ZMPSTE24: variants seen among roughly 807,000 people sequenced by gnomAD.
ZMPSTE24 encodes the protein CAAX prenyl protease 1 homolog.
Under a neutral mutation model 56.7 loss-of-function variants are expected in ZMPSTE24, and 48 were observed. That is an observed-to-expected ratio of 0.85 (90% CI 0.67 to 1.08). The LOEUF is 1.08. ZMPSTE24 is among the 50% of genes least tolerant of loss of function. The probability of loss-of-function intolerance (pLI) is 0.00; values close to 1 mark genes in which losing one functional copy is unlikely to be tolerated. For synonymous variants in ZMPSTE24, 172 were observed against 195.2 expected (o/e 0.88, Z 0.99); for missense variants, 503 against 548.7 (o/e 0.92, Z 0.83).
At chr1:40,276,266 G>A (rs1643670772) in intron 6 of ZMPSTE24, among the ~76,000 whole-genome samples, 1 of 152,182 alleles carries the variant, frequency 6.6e-6, no homozygotes, top group African/African-American at 2.4e-5. Context: ...TTAGGGCGAG[G>A]TCAGCGCTAA....
intron 6 of ZMPSTE24, among the ~76,000 whole-genome samples, chr1:40,277,230 C>T (rs1569642930): frequency 6.6e-6 from 1 of 151,876 alleles, no homozygotes; most frequent in South Asian, 2.1e-4. Context: ...GGACTACAGG[C>T]GCCCGCCAGC....
intron 7 of ZMPSTE24, 72 bp from the exon 8 acceptor site, chr1:40,285,853 G>T: frequency 8.6e-7 from 1 of 1,161,238 alleles, no homozygotes; most frequent in Non-Finnish European, 1.3e-6. Context: ...TCTATGAAGG[G>T]CTATTACTGG....
intron 4 of ZMPSTE24, 129 bp from the exon 5 acceptor site, chr1:40,269,846 T>C (rs1643595991): frequency 6.6e-6 from 7 of 1,061,088 alleles, no homozygotes; most frequent in South Asian, 3.2e-5. Context: ...TAATGTCATA[T>C]AATATAGTTT....
chr1:40,258,353 T>C lies in ZMPSTE24; in HGVS notation c.82T>C (p.Trp28Arg). 1 of 1,614,218 alleles carries C rather than the reference T, an allele frequency of 6.2e-7. No individual in the cohort carries two copies. Residue 28 changes from tryptophan (W) to arginine (R), a missense_variant, in exon 1 of 10, where the codon TGG (tryptophan) becomes CGG (arginine). Coordinates refer to ENST00000372759, the MANE Select transcript of ZMPSTE24 (RefSeq NM_005857.5). ...CTTCGGGGCCGTGCTGCTCTTTTCC[T>C]GGACAGTGTATCTTTGGGAGACCTT... ...RIFGAVLLFS[W>R]TVYLWETFLA...
chr1:40,269,073 C>CAAAAAAAAAAAAAA (rs60201234), intron 4 of ZMPSTE24, among the ~76,000 whole-genome samples: 2 of 46,224 alleles, frequency 4.3e-5, no homozygotes, highest in Non-Finnish European at 1.2e-4. Flanking sequence ...GACTCCGTCT[C>CAAAAAAAAAAAAAA]AAAAAAAAAA....
At chr1:40,285,493 G>T in intron 7 of ZMPSTE24, among the ~76,000 whole-genome samples, 1 of 152,264 alleles carries the variant, frequency 6.6e-6, no homozygotes, top group South Asian at 2.1e-4. Flanking sequence ...GTCTGCCTCG[G>T]TTTCCCAAAG....
chr1:40,259,443 AGT>A (rs1266162985), intron 1 of ZMPSTE24: 1 of 152,116 alleles, frequency 6.6e-6, no homozygotes, highest in Non-Finnish European at 1.5e-5. Context: ...CAAGGGGAAG[AGT>A]GTGTCTGTGA....
chr1:40,268,943 G>T (rs1643584149), intron 4 of ZMPSTE24, among the ~76,000 whole-genome samples: 1 of 151,850 alleles, frequency 6.6e-6, no homozygotes, highest in African/African-American at 2.4e-5. Context: ...GGGCTTGGTG[G>T]TGGGCGCCTG....
chr1:40,262,089 A>AT (rs1010970899), intron 2 of ZMPSTE24, among the ~76,000 whole-genome samples: 2 of 152,234 alleles, frequency 1.3e-5, no homozygotes, highest in African/African-American at 2.4e-5. Context: ...TAAGAGAAAG[A>AT]TTCCTAAATT....
chr1:40,278,557 C>CAGAAAAAAAA (rs1643694865), intron 6 of ZMPSTE24, among the ~76,000 whole-genome samples: 1 of 19,542 alleles, frequency 5.1e-5, no homozygotes, highest in Non-Finnish European at 9.5e-5. Flanking sequence ...GACTCCGTCT[C>CAGAAAAAAAA]AAAAAAAAAA....
rs1287735297 is a variant in ZMPSTE24, at chr1:40,264,634, G to A, written c.271-3152G>A. Among the ~76,000 whole-genome samples, 6 of 151,960 alleles carry A rather than the reference G, an allele frequency of 3.9e-5. No individual in the cohort carries two copies. In the East Asian group the frequency reaches 7.7e-4, roughly 20 times the overall value. On this transcript the variant is annotated intron_variant, in intron 2 of 9. Transcript: ENST00000372759. ...CTCAATCCTGTAATCATAGCACTTC[G>A]AGAGGCTCAGGTGGGAGGATCACTT... is the stretch of plus-strand genomic sequence containing the variant.
intron 1 of ZMPSTE24, 98 bp downstream of exon 1, chr1:40,258,492 G>C: frequency 1.3e-6 from 2 of 1,592,830 alleles, no homozygotes; most frequent in Non-Finnish European, 1.7e-6. Flanking sequence ...CGGTCCCCGC[G>C]CCAGTCTCGT....
chr1:40,268,413 G>A lies in ZMPSTE24; in HGVS notation c.358-6G>A. On this transcript the variant is annotated splice_region_variant and splice_polypyrimidine_tract_variant and intron_variant, in intron 3 of 9. Coordinates refer to ENST00000372759, the MANE Select transcript of ZMPSTE24 (RefSeq NM_005857.5). ...AAACTGGATTTTTGTTTTTTCTTTT[G>A]TTTAGATCACTCAGTCCCTGGTGTT... 4.4e-6 allele frequency: 7 copies of A among 1,605,526 alleles called. No individual in the cohort carries two copies. The highest frequency in any genetic ancestry group is 6.0e-6 in the Non-Finnish European group (7 of 1,175,240).
intron 8 of ZMPSTE24, 62 bp downstream of exon 8, chr1:40,286,091 C>A: frequency 7.0e-7 from 1 of 1,421,594 alleles, no homozygotes; most frequent in Non-Finnish European, 9.8e-7. Context: ...CTATGGCAGG[C>A]ATGAGAGGTC....
intron 8 of ZMPSTE24, among the ~76,000 whole-genome samples, chr1:40,288,962 C>T (rs1643812257): frequency 2.0e-5 from 3 of 152,074 alleles, no homozygotes; most frequent in African/African-American, 7.2e-5. Context: ...ATTCCCTTCA[C>T]CACTGCCTTC....
intron 2 of ZMPSTE24, among the ~76,000 whole-genome samples, chr1:40,267,505 C>T (rs941121560): frequency 7.9e-5 from 12 of 151,566 alleles, no homozygotes; most frequent in African/African-American, 2.4e-4. Context: ...GCTGGGTCTA[C>T]AGGTACGCAC....
At chr1:40,291,495 C>T (rs1180399716) in intron 9 of ZMPSTE24, among the ~76,000 whole-genome samples, 1 of 152,136 alleles carries the variant, frequency 6.6e-6, no homozygotes, top group Non-Finnish European at 1.5e-5. Context: ...AAGAACATTG[C>T]TCTGTGTTAG....
At chr1:40,271,811 T>TTTAATATACAGA in intron 5 of ZMPSTE24, 83 bp from the exon 6 acceptor site, 1 of 1,481,210 alleles carries the variant, frequency 6.8e-7, no homozygotes, top group Non-Finnish European at 9.2e-7. Flanking sequence ...ACATAGTTGT[T>TTTAATATACAGA]TTAATATAAT....
Position 40,270,244 on chromosome 1 carries a change from T to C in ZMPSTE24, c.627+117T>C, listed in dbSNP as rs967291244. On this transcript the variant is annotated intron_variant, in intron 5 of 9. Transcript: ENST00000372759. ...CAGCTGAAATATAAATAGGTGCTTA[T>C]ATACATTTCCCCCTTGGTTTCTGCT... 1.3e-5 allele frequency: 16 copies of C among 1,198,124 alleles called. No homozygotes were observed. The South Asian group carries it at 2.0e-4, about 15-fold the overall frequency. 74.2% of individuals were successfully genotyped at this position (1,198,124 alleles called of 1,614,324 possible).
Sources: allele counts gnomAD v4.1 joint callset (sites outside exome capture counted in the v4.1 genomes callset), GRCh38; gene constraint gnomAD v4.1.1; transcripts MANE v1.5; gene names NCBI Gene and HGNC (gene_info 2026-07-23, HGNC 2026-07-21).